Variants in CHCHD6 observed in about 807,000 individuals in gnomAD.
The protein encoded by CHCHD6 is coiled-coil-helix-coiled-coil-helix domain containing 6, also known as MICOS complex subunit MIC25.
Under a neutral mutation model 32.3 loss-of-function variants are expected in CHCHD6, and 28 were observed. That is an observed-to-expected ratio of 0.87 (90% CI 0.64 to 1.19). CHCHD6 has a LOEUF of 1.19. Ranked by LOEUF, CHCHD6 falls within the 50% of genes most tolerant of loss-of-function variation. The pLI is 0.00. For synonymous variants in CHCHD6, 122 were observed against 117.5 expected, an observed-to-expected ratio of 1.04 and a Z score of -0.25; for missense variants, 333 against 307.0, an observed-to-expected ratio of 1.08 and a Z score of -0.63.
rs1395479932 is a variant in CHCHD6, at chr3:126,732,666, CA to C, written c.267-409del. 2.6e-5 allele frequency among the ~76,000 whole-genome samples: 4 copies of C among 152,286 alleles called. No homozygotes were observed. In the East Asian group the frequency reaches 7.7e-4, roughly 29 times the overall value. On this transcript the variant is annotated intron_variant, in intron 3 of 7. Coordinates refer to ENST00000290913, the MANE Select transcript of CHCHD6 (RefSeq NM_032343.3). ...CTAGGCAGAATGCCCAGAAATAGGT[CA>C]AAGGGTAGGAAGATATTCAGAATGA...
At chr3:126,862,369 A>ACCACCATCACCACCTCCTCCTCCT (rs1941947036) in intron 5 of CHCHD6, among the ~76,000 whole-genome samples, 1 of 54,354 alleles carries the variant, frequency 1.8e-5, no homozygotes, top group Non-Finnish European at 3.5e-5. Flanking sequence ...CACCTCCTCC[A>ACCACCATCACCACCTCCTCCTCCT]CCACCATCAC....
intron 6 of CHCHD6, among the ~76,000 whole-genome samples, chr3:126,953,477 T>G (rs898356609): frequency 8.5e-5 from 13 of 152,154 alleles, no homozygotes; most frequent in African/African-American, 3.1e-4. Flanking sequence ...GCCAAGTGCC[T>G]CCAGTAACCC....
At chr3:126,814,649 G>A (rs1939798957) in intron 4 of CHCHD6, among the ~76,000 whole-genome samples, 1 of 152,172 alleles carries the variant, frequency 6.6e-6, no homozygotes, top group Admixed American at 6.5e-5. Context: ...GTACGCCCAG[G>A]GAGGACACAG....
At chr3:126,938,426 G>A (rs1022649990) in intron 6 of CHCHD6, among the ~76,000 whole-genome samples, 2 of 152,192 alleles carry the variant, frequency 1.3e-5, no homozygotes, top group Non-Finnish European at 2.9e-5. Flanking sequence ...TAGATGCTGT[G>A]GAGTGTGTAC....
intron 4 of CHCHD6, among the ~76,000 whole-genome samples, chr3:126,796,468 A>G (rs1221121721): frequency 2.0e-5 from 3 of 152,090 alleles, no homozygotes; most frequent in Non-Finnish European, 1.5e-5. Context: ...GTAGTTTCCA[A>G]TGGAGTGTTT....
chr3:126,898,408 C>T (rs1030331941), intron 5 of CHCHD6, among the ~76,000 whole-genome samples: 14 of 152,132 alleles, frequency 9.2e-5, no homozygotes, highest in African/African-American at 2.2e-4. Context: ...GCTGGGGCAC[C>T]GAGGAGACAT....
intron 6 of CHCHD6, among the ~76,000 whole-genome samples, chr3:126,950,261 G>A (rs1397514721): frequency 2.6e-5 from 4 of 152,020 alleles, no homozygotes; most frequent in Non-Finnish European, 5.9e-5. Context: ...AGGGTAGTCA[G>A]AGGCAGAGAT....
At chr3:126,780,754 A>T (rs1937896299) in intron 4 of CHCHD6, among the ~76,000 whole-genome samples, 1 of 152,086 alleles carries the variant, frequency 6.6e-6, no homozygotes, top group South Asian at 2.1e-4. Context: ...CTGTGTGTGG[A>T]CTGCTTTTGG....
intron 4 of CHCHD6, among the ~76,000 whole-genome samples, chr3:126,753,700 G>T (rs1054341293): frequency 6.6e-6 from 1 of 152,216 alleles, no homozygotes; most frequent in Non-Finnish European, 1.5e-5. Context: ...AGTTTCGTGG[G>T]CTGCCTTTCT....
chr3:126,731,195 A>G (rs1016897547), intron 3 of CHCHD6, among the ~76,000 whole-genome samples: 8 of 151,534 alleles, frequency 5.3e-5, no homozygotes, highest in Non-Finnish European at 1.0e-4. Flanking sequence ...ACATGCAGGC[A>G]TGTTTTTAGA....
chr3:126,793,761 C>A (rs1938663408), intron 4 of CHCHD6, among the ~76,000 whole-genome samples: 1 of 152,090 alleles, frequency 6.6e-6, no homozygotes, highest in Non-Finnish European at 1.5e-5. Flanking sequence ...ATCTGAATAA[C>A]TTCTTTTAAC....
intron 6 of CHCHD6, among the ~76,000 whole-genome samples, chr3:126,932,354 G>C (rs954200762): frequency 1.3e-5 from 2 of 152,150 alleles, no homozygotes; most frequent in Non-Finnish European, 2.9e-5. Context: ...AAACTCCTAA[G>C]TGATTGCTAT....
intron 6 of CHCHD6, among the ~76,000 whole-genome samples, chr3:126,942,303 G>C (rs949074296): frequency 3.3e-5 from 5 of 152,144 alleles, no homozygotes; most frequent in African/African-American, 7.2e-5. Flanking sequence ...AGTATTTTGT[G>C]GGGGAGATAC....
intron 4 of CHCHD6, among the ~76,000 whole-genome samples, chr3:126,844,890 G>T (rs1489872012): frequency 6.6e-6 from 1 of 152,194 alleles, no homozygotes; most frequent in Non-Finnish European, 1.5e-5. Flanking sequence ...GGTAGCAGAA[G>T]TCAGTGTGAT....
At chr3:126,926,586 T>C (rs920101928) in intron 6 of CHCHD6, among the ~76,000 whole-genome samples, 1 of 151,926 alleles carries the variant, frequency 6.6e-6, no homozygotes, top group African/African-American at 2.4e-5. Context: ...CCTGGAGTAT[T>C]AGGGGAAAGA....
intron 4 of CHCHD6, among the ~76,000 whole-genome samples, chr3:126,851,763 A>T (rs914414593): frequency 6.6e-6 from 1 of 152,164 alleles, no homozygotes; most frequent in Non-Finnish European, 1.5e-5. Context: ...GTGACCCTTT[A>T]TGGAGGTCTA....
intron 6 of CHCHD6, among the ~76,000 whole-genome samples, chr3:126,918,396 C>T (rs1440323594): frequency 3.3e-5 from 5 of 152,182 alleles, no homozygotes; most frequent in Admixed American, 6.5e-5. Context: ...TGCCAGACAC[C>T]ATGCTAGGCC....
intron 4 of CHCHD6, among the ~76,000 whole-genome samples, chr3:126,740,757 C>G (rs1262391996): frequency 1.3e-5 from 2 of 152,168 alleles, no homozygotes; most frequent in African/African-American, 4.8e-5. Flanking sequence ...GTGAGGCCTC[C>G]TGGGTTCCCA....
intron 4 of CHCHD6, among the ~76,000 whole-genome samples, chr3:126,834,076 A>AAAT (rs1470003096): frequency 4.6e-5 from 7 of 151,436 alleles, no homozygotes; most frequent in African/African-American, 7.3e-5. Context: ...AAAAAAAAAA[A>AAAT]AAGAATTACC....
Sources: allele counts gnomAD v4.1 joint callset (sites outside exome capture counted in the v4.1 genomes callset), GRCh38; gene constraint gnomAD v4.1.1; transcripts MANE v1.5; gene names NCBI Gene and HGNC (gene_info 2026-07-23, HGNC 2026-07-21).